PHGDH: variants seen among roughly 807,000 people sequenced by gnomAD.
PHGDH encodes the protein phosphoglycerate dehydrogenase.
In PHGDH, 50 loss-of-function variants were observed where a neutral mutation model predicts 52.6. That is an observed-to-expected ratio of 0.95 (90% CI 0.76 to 1.20). The LOEUF (loss-of-function observed/expected upper bound fraction) is 1.20. Ranked by LOEUF, PHGDH falls within the 50% of genes most tolerant of loss-of-function variation. The pLI, the probability that PHGDH is intolerant of heterozygous loss-of-function variation, is 0.00. For synonymous variants in PHGDH, 271 were observed against 280.5 expected, an observed-to-expected ratio of 0.97 and a Z score of 0.34; for missense variants, 630 against 684.6, an observed-to-expected ratio of 0.92 and a Z score of 0.89.
chr1:119,721,871 G>A (rs1452030864), intron 2 of PHGDH, among the ~76,000 whole-genome samples: 3 of 152,252 alleles, frequency 2.0e-5, no homozygotes, highest in African/African-American at 7.2e-5. Context: ...TAGGGCAAGA[G>A]GAGAAGGGTC....
Position 119,735,411 on chromosome 1 carries a change from T to C in PHGDH, c.760T>C (p.Cys254Arg), listed in dbSNP as rs1301447660. Reference protein sequence around the residue: ...ALLRALQSGQCAGAALDVFTE... With the variant: ...ALLRALQSGQRAGAALDVFTE... ...GCTCCGGGCCCTGCAGTCTGGCCAG[T>C]GTGCCGGGGCTGCACTGGACGTGTT... is the stretch of plus-strand genomic sequence containing the variant. Residue 254 changes from cysteine to arginine, a missense_variant, in exon 7 of 12, where the codon TGT (cysteine) becomes CGT (arginine). Physicochemically the swap from Cys to Arg is radical, Grantham distance 180 (BLOSUM62 -3). Transcript: ENST00000641023. 3 of 1,613,844 alleles carry C rather than the reference T, an allele frequency of 1.9e-6. No individual in the cohort carries two copies. Among genetic ancestry groups the C allele is most frequent in the East Asian group, 2.2e-5 (1 of 44,906 alleles).
intron 5 of PHGDH, chr1:119,730,203 A>C (rs1208216209): frequency 6.6e-6 from 1 of 152,236 alleles, no homozygotes; most frequent in Non-Finnish European, 1.5e-5. Flanking sequence ...ATTGTGAAAG[A>C]GATGTATAAG....
At chr1:119,716,996 T>G (rs778076100) in intron 1 of PHGDH, among the ~76,000 whole-genome samples, 73 of 152,094 alleles carry the variant, frequency 4.8e-4, no homozygotes, top group Non-Finnish European at 7.5e-4. Flanking sequence ...GTCTATAAAC[T>G]AGTGAAACTA....
Position 119,742,840 on chromosome 1 carries a change from G to T in PHGDH, c.1243G>T (p.Glu415Ter). The change falls in exon 11 of 12, where the codon GAG becomes TAG. Residue 415 changes from glutamate (E) to a stop codon, truncating the protein, a stop_gained. Coordinates refer to ENST00000641023, the MANE Select transcript of PHGDH (RefSeq NM_006623.4). LOFTEE classifies it high-confidence loss of function. Reference protein sequence around the residue: ...TTSHSPAAPGEQGFGECLLAV... With the variant: ...TTSHSPAAPG The stretch of plus-strand genomic sequence containing the variant: ...CTCCCACAGCCCTGCTGCACCAGGG[G>T]AGCAAGGCTTCGGGGAATGCCTCCT... 6.2e-7 allele frequency: 1 copy of T among 1,613,274 alleles called. No individual in the cohort carries two copies. Among genetic ancestry groups the T allele is most frequent in the Non-Finnish European group, 8.5e-7 (1 of 1,179,466 alleles).
At chr1:119,733,846 G>C (rs1651812324) in intron 5 of PHGDH, among the ~76,000 whole-genome samples, 1 of 152,168 alleles carries the variant, frequency 6.6e-6, no homozygotes, top group Non-Finnish European at 1.5e-5. Flanking sequence ...TCGGGGTTAA[G>C]GGGGATTTCT....
At chr1:119,742,055 T>C (rs905091755) in intron 10 of PHGDH, 158 bp downstream of exon 10, 3 of 674,100 alleles carry the variant, frequency 4.5e-6, no homozygotes, top group Non-Finnish European at 2.7e-6. Flanking sequence ...AACTGCAAAA[T>C]GAAGATACTG....
rs886045205 is a variant in PHGDH at position 119,726,875 on chromosome 1, G to T, written c.381G>T (p.Ser127=). The change falls in exon 4 of 12, where the codon TCG becomes TCT. Residue 127 remains serine, a synonymous_variant. Coordinates refer to ENST00000641023, the MANE Select transcript of PHGDH (RefSeq NM_006623.4). ...LARQIPQATA[S]MKDGKWERKK... ...GGCAGATTCCCCAGGCGACGGCTTC[G>T]ATGAAGGACGGCAAATGGGAGCGGA... The T allele has an allele frequency of 6.2e-7, 1 of 1,614,202 alleles. No homozygotes were observed. The highest frequency in any genetic ancestry group is 8.5e-7 in the Non-Finnish European group (1 of 1,180,030).
chr1:119,743,823 C>T (rs1208121761), intron 11 of PHGDH, 63 bp from the exon 12 acceptor site: 3 of 1,275,526 alleles, frequency 2.4e-6, no homozygotes, highest in East Asian at 2.3e-5. Flanking sequence ...TGATTCTGCT[C>T]CCAATCCCTC....
intron 3 of PHGDH, among the ~76,000 whole-genome samples, chr1:119,725,946 G>A (rs928868631): frequency 1.4e-5 from 2 of 146,318 alleles, no homozygotes; most frequent in Non-Finnish European, 3.0e-5. Flanking sequence ...AGGAGTTAAT[G>A]TGTGTCTAAA....
At chr1:119,718,218 A>G (rs1010895596) in intron 1 of PHGDH, among the ~76,000 whole-genome samples, 2 of 152,144 alleles carry the variant, frequency 1.3e-5, no homozygotes, top group Non-Finnish European at 2.9e-5. Context: ...CTGTATTTGG[A>G]AGGTAGTTGG....
chr1:119,726,527 T>C lies in PHGDH; in HGVS notation c.357-324T>C, dbSNP rs146638643. On this transcript the variant is annotated intron_variant, in intron 3 of 11. Coordinates refer to ENST00000641023, the MANE Select transcript of PHGDH (RefSeq NM_006623.4). ...GCCCAGTACCCCACTCAGTTATCCC[T>C]ACAGACCCTGGAGGATTGGCGATCG... 66 of 460,896 alleles carry C rather than the reference T, an allele frequency of 1.4e-4. No individual in the cohort carries two copies. In the East Asian group the frequency reaches 2.7e-3, roughly 19 times the overall value. 28.6% of individuals were successfully genotyped at this position (460,896 alleles called of 1,614,324 possible). A position where few individuals can be genotyped will look rare whatever the true frequency, so the allele number is the denominator to read the frequency against.
chr1:119,719,646 GCAT>G (rs1413315029), intron 1 of PHGDH: 2 of 152,212 alleles, frequency 1.3e-5, no homozygotes. Flanking sequence ...TGCAGCCTAA[GCAT>G]CATTCCTCTT....
intron 2 of PHGDH, among the ~76,000 whole-genome samples, chr1:119,721,989 G>A (rs587620366): frequency 2.0e-5 from 3 of 152,228 alleles, no homozygotes; most frequent in African/African-American, 4.8e-5. Flanking sequence ...CCATCCCCAG[G>A]CCTCTTTGTT....
intron 1 of PHGDH, chr1:119,712,451 C>T (rs989251912): frequency 1.5e-5 from 6 of 399,052 alleles, no homozygotes; most frequent in African/African-American, 1.0e-4. Flanking sequence ...GCAGGCTGCT[C>T]GCGGATGCCA....
chr1:119,730,474 C>A (rs587642421), intron 5 of PHGDH, among the ~76,000 whole-genome samples: 7 of 152,132 alleles, frequency 4.6e-5, no homozygotes, highest in African/African-American at 1.7e-4. Context: ...GCATGTCATC[C>A]GAGACTTTTC....
chr1:119,741,954 C>T, intron 10 of PHGDH, 57 bp downstream of exon 10: 1 of 1,476,636 alleles, frequency 6.8e-7, no homozygotes, highest in Admixed American at 1.7e-5. Flanking sequence ...GTCTTCTCCC[C>T]CACATTTCCA....
chr1:119,729,155 T>C (rs115809828), intron 5 of PHGDH, among the ~76,000 whole-genome samples: 2,781 of 152,282 alleles, frequency 0.018, 42 homozygotes, highest in Non-Finnish European at 0.027. Context: ...GGTGTATTCT[T>C]GATCCCTGGA....
chr1:119,733,651 A>G (rs749228495), intron 5 of PHGDH, among the ~76,000 whole-genome samples: 5 of 152,306 alleles, frequency 3.3e-5, no homozygotes, highest in South Asian at 4.1e-4. Flanking sequence ...ATTATATTCT[A>G]AAGTATCTAT....
In PHGDH at chr1:119,719,281, C is replaced by T. The variant is rs1017403820; in HGVS notation, c.139-1889C>T. Among the ~76,000 whole-genome samples, 4 of 152,070 alleles carry T rather than the reference C, an allele frequency of 2.6e-5. No homozygotes were observed. In the East Asian group the frequency reaches 7.7e-4, roughly 29 times the overall value. ...AATCAGTTTAGCATAATGCCAGATACGTACATAGCGGGCATCCGATAAAAT... is the reference window on the plus strand; with the variant it reads ...AATCAGTTTAGCATAATGCCAGATATGTACATAGCGGGCATCCGATAAAAT... On this transcript the variant is annotated intron_variant, in intron 1 of 11. Transcript: ENST00000641023.
Sources: gnomAD v4.1 joint callset for allele counts (sites outside exome capture counted in the v4.1 genomes callset) on GRCh38, gnomAD v4.1.1 for gene constraint, MANE v1.5 for transcripts, NCBI Gene and HGNC (gene_info 2026-07-23, HGNC 2026-07-21) for gene names.